ROBO2: variants seen among roughly 807,000 people sequenced by gnomAD.
ROBO2 encodes the protein roundabout homolog 2.
Under a neutral mutation model 160.8 loss-of-function variants are expected in ROBO2, and 53 were observed. The observed-to-expected ratio is 0.33, with a 90% confidence interval of 0.26 to 0.41. The LOEUF (loss-of-function observed/expected upper bound fraction) is 0.41. Among genes scored for constraint, ROBO2 ranks in the 10% least tolerant of loss-of-function variants. The pLI, the probability that ROBO2 is intolerant of heterozygous loss-of-function variation, is 1.00. For synonymous variants in ROBO2, 664 were observed against 611.7 expected (o/e 1.09, Z -1.26); for missense variants, 1,577 against 1,722.4 (o/e 0.92, Z 1.49).
chr3:76,602,691 A>T (rs1208675972), intron 2 of ROBO2, among the ~76,000 whole-genome samples: 1 of 152,138 alleles, frequency 6.6e-6, no homozygotes, highest in Admixed American at 6.5e-5. Context: ...GGGAGTTACA[A>T]TTCAAGATGA....
rs375312004 is a variant in ROBO2, at chr3:77,488,572, T to C, written c.668-4672T>C. ...CAGAGCTCTAATTGTCCAAACTCTA[T>C]GGAGCATTAATAGATATTGAGTGTG... On this transcript the variant is annotated intron_variant, in intron 4 of 25. Transcript: ENST00000461745. Among the ~76,000 whole-genome samples, 144 of 152,344 alleles carry C rather than the reference T, an allele frequency of 9.5e-4. 2 individuals carry two copies. The South Asian group carries it at 0.029, about 31-fold the overall frequency.
At chr3:76,221,843 G>A (rs968776380) in intron 2 of ROBO2, among the ~76,000 whole-genome samples, 3 of 151,966 alleles carry the variant, frequency 2.0e-5, no homozygotes, top group Non-Finnish European at 2.9e-5. Flanking sequence ...ATAAGTCCAC[G>A]GATGGTAGTT....
chr3:76,261,736 T>C (rs950629951), intron 2 of ROBO2, among the ~76,000 whole-genome samples: 1 of 152,100 alleles, frequency 6.6e-6, no homozygotes, highest in Non-Finnish European at 1.5e-5. Context: ...ATTTTTTTAG[T>C]AGATTGTATG....
chr3:76,556,377 CTCAA>C (rs1409407027), intron 2 of ROBO2, among the ~76,000 whole-genome samples: 2 of 152,048 alleles, frequency 1.3e-5, no homozygotes, highest in Admixed American at 6.6e-5. Flanking sequence ...GACAATAATA[CTCAA>C]TCAAAGTAAA....
intron 2 of ROBO2, among the ~76,000 whole-genome samples, chr3:76,110,842 C>T (rs2070195099): frequency 6.6e-6 from 1 of 152,062 alleles, no homozygotes; most frequent in African/African-American, 2.4e-5. Context: ...TTTGAAAGGT[C>T]TGTTAATCAT....
At chr3:77,016,837 A>G (rs922968821) in intron 2 of ROBO2, among the ~76,000 whole-genome samples, 3 of 152,188 alleles carry the variant, frequency 2.0e-5, no homozygotes, top group African/African-American at 7.2e-5. Context: ...TGAATATACA[A>G]TAAGAGCAAT....
At chr3:76,580,863 A>C (rs1358594721) in intron 2 of ROBO2, among the ~76,000 whole-genome samples, 7 of 152,178 alleles carry the variant, frequency 4.6e-5, no homozygotes, top group Non-Finnish European at 1.0e-4. Context: ...AAAGATAAAA[A>C]AAACTGGAGA....
At chr3:76,464,895 A>G (rs2078283105) in intron 2 of ROBO2, among the ~76,000 whole-genome samples, 1 of 152,054 alleles carries the variant, frequency 6.6e-6, no homozygotes, top group Non-Finnish European at 1.5e-5. Context: ...TCTTCCATTC[A>G]TCTCTATACA....
intron 2 of ROBO2, among the ~76,000 whole-genome samples, chr3:76,390,400 T>A (rs180870799): frequency 8.7e-4 from 132 of 152,254 alleles, no homozygotes; most frequent in African/African-American, 2.7e-3. Context: ...GAAACTGTCT[T>A]ATTACAAATG....
chr3:75,962,534 C>T (rs1240829314), intron 2 of ROBO2, among the ~76,000 whole-genome samples: 3 of 151,692 alleles, frequency 2.0e-5, no homozygotes, highest in Admixed American at 1.3e-4. Context: ...AAAGCTTGAA[C>T]TCCAAATATT....
intron 2 of ROBO2, among the ~76,000 whole-genome samples, chr3:76,448,914 T>C (rs1203248727): frequency 1.3e-5 from 2 of 152,182 alleles, no homozygotes; most frequent in African/African-American, 4.8e-5. Context: ...CTATTCATTA[T>C]GAACAAGCTG....
chr3:76,477,876 G>A (rs1448216935), intron 2 of ROBO2, among the ~76,000 whole-genome samples: 1 of 151,860 alleles, frequency 6.6e-6, no homozygotes, highest in African/African-American at 2.4e-5. Flanking sequence ...ATTTGTTGCA[G>A]AAACCAATGA....
chr3:75,951,909 C>A (rs558595702), intron 2 of ROBO2, among the ~76,000 whole-genome samples: 1 of 152,122 alleles, frequency 6.6e-6, no homozygotes, highest in African/African-American at 2.4e-5. Context: ...TTGAAACAAT[C>A]TCTGTTTTCC....
At chr3:76,073,716 G>A (rs2068551339) in intron 2 of ROBO2, among the ~76,000 whole-genome samples, 1 of 152,164 alleles carries the variant, frequency 6.6e-6, no homozygotes, top group Non-Finnish European at 1.5e-5. Context: ...CGCTAGAGCT[G>A]TTATAAGTGA....
intron 2 of ROBO2, among the ~76,000 whole-genome samples, chr3:77,108,038 A>T (rs902085008): frequency 6.6e-6 from 1 of 151,896 alleles, no homozygotes; most frequent in African/African-American, 2.4e-5. Flanking sequence ...TTTTCTTAAC[A>T]TGAGGTATAT....
chr3:77,577,646 T>C lies in ROBO2; in HGVS notation c.2328+32T>C, dbSNP rs190638924. 841 of 1,612,238 alleles carry C rather than the reference T, an allele frequency of 5.2e-4. 8 individuals carry two copies. In the African/African-American group the frequency reaches 8.8e-3, roughly 17 times the overall value. On this transcript the variant is annotated intron_variant, in intron 15 of 25. Coordinates refer to ENST00000461745, the Ensembl canonical transcript of ROBO2. ...CCCGGGTGAAGAAGGACAGCTCTCA[T>C]GTAAAGGTTCCCAGAGAAATCTCAG...
chr3:77,633,564 T>C (rs1286805428), intron 23 of ROBO2: 1 of 152,182 alleles, frequency 6.6e-6, no homozygotes, highest in Non-Finnish European at 1.5e-5. Flanking sequence ...AAATCTTAAC[T>C]GTAATCAAAT....
intron 23 of ROBO2, among the ~76,000 whole-genome samples, chr3:77,623,924 CAA>C (rs1451510795): frequency 6.6e-6 from 1 of 152,140 alleles, no homozygotes; most frequent in African/African-American, 2.4e-5. Flanking sequence ...GTCTATAAAT[CAA>C]GAGAATGCCA....
chr3:75,970,011 G>C (rs1164441829), intron 2 of ROBO2, among the ~76,000 whole-genome samples: 5 of 151,526 alleles, frequency 3.3e-5, no homozygotes, highest in Non-Finnish European at 7.4e-5. Context: ...GAGTTTTATA[G>C]TTTCAGGTCT....
Sources: allele counts gnomAD v4.1 joint callset (sites outside exome capture counted in the v4.1 genomes callset), GRCh38; gene constraint gnomAD v4.1.1; transcripts MANE v1.5; gene names NCBI Gene and HGNC (gene_info 2026-07-23, HGNC 2026-07-21).